The following MEI4 variants were observed in gnomAD, a reference collection of about 807,000 sequenced individuals.
The protein encoded by MEI4 is meiotic double-stranded break formation protein 4.
Under a neutral mutation model 31.4 loss-of-function variants are expected in MEI4, and 27 were observed. The observed-to-expected ratio is 0.86, with a 90% CI of 0.63 to 1.19. The LOEUF is 1.19. Ranked by LOEUF, MEI4 falls within the 50% of genes most tolerant of loss-of-function variation. The pLI, the probability that MEI4 is intolerant of heterozygous loss-of-function variation, is 0.00. For missense variants in MEI4, 329 were observed against 398.9 expected, an observed-to-expected ratio of 0.82 and a Z score of 1.49; for synonymous variants, 122 against 145.4, an observed-to-expected ratio of 0.84 and a Z score of 1.16.
intron 4 of MEI4, among the ~76,000 whole-genome samples, chr6:77,911,482 C>A (rs1024655721): frequency 6.6e-6 from 1 of 151,716 alleles, no homozygotes; most frequent in Non-Finnish European, 1.5e-5. Context: ...CTATAGTAGT[C>A]CCTGGTGTCT....
intron 3 of MEI4, among the ~76,000 whole-genome samples, chr6:77,779,033 C>T (rs1422235500): frequency 6.6e-6 from 1 of 152,024 alleles, no homozygotes; most frequent in Non-Finnish European, 1.5e-5. Context: ...AAAGTACTGG[C>T]CTGGAAGTAA....
At chr6:77,824,225 G>A (rs1354380260) in intron 3 of MEI4, among the ~76,000 whole-genome samples, 1 of 152,114 alleles carries the variant, frequency 6.6e-6, no homozygotes, top group African/African-American at 2.4e-5. Context: ...AAGTAGCTGG[G>A]ATTACAGGCG....
intron 2 of MEI4, among the ~76,000 whole-genome samples, chr6:77,695,460 C>A (rs573602652): frequency 2.6e-4 from 39 of 152,248 alleles, no homozygotes; most frequent in African/African-American, 9.1e-4. Flanking sequence ...AGGAAGGGAT[C>A]CAGTTTCAGC....
chr6:77,790,200 C>T (rs1255047140), intron 3 of MEI4, among the ~76,000 whole-genome samples: 1 of 142,294 alleles, frequency 7.0e-6, no homozygotes. Flanking sequence ...GGGAATTAAA[C>T]ACGAGAACAC....
At chr6:77,789,811 T>G (rs1222642104) in intron 3 of MEI4, among the ~76,000 whole-genome samples, 1 of 152,206 alleles carries the variant, frequency 6.6e-6, no homozygotes, top group African/African-American at 2.4e-5. Context: ...TTGGTGGGAC[T>G]GTAAACTATT....
chr6:77,805,840 A>G (rs1769417653), intron 3 of MEI4, among the ~76,000 whole-genome samples: 1 of 152,050 alleles, frequency 6.6e-6, no homozygotes, highest in Non-Finnish European at 1.5e-5. Flanking sequence ...TAGCACAAGG[A>G]CTTACATGAA....
chr6:77,674,229 T>A (rs1031196634), intron 1 of MEI4, among the ~76,000 whole-genome samples: 6 of 152,196 alleles, frequency 3.9e-5, no homozygotes, highest in Admixed American at 2.6e-4. Context: ...GCCCTTGTTT[T>A]TAAGTCACAT....
chr6:77,735,364 C>G lies in MEI4; in HGVS notation c.233-25766C>G, dbSNP rs1247779092. On this transcript the variant is annotated intron_variant, in intron 2 of 4. Coordinates refer to ENST00000684080, the MANE Select transcript of MEI4 (RefSeq NM_001322247.2). ...ATTCTTTTTTCTCTAAACTTCCCTTCTTGCTTCATTTCATTCATTTCATCT... is the reference window on the plus strand; with the variant it reads ...ATTCTTTTTTCTCTAAACTTCCCTTGTTGCTTCATTTCATTCATTTCATCT... 3.3e-5 allele frequency among the ~76,000 whole-genome samples: 5 copies of G among 151,870 alleles called. No individual in the cohort carries two copies. The South Asian group carries it at 8.3e-4, about 25-fold the overall frequency.
rs1766792625 is a variant in MEI4 at position 77,924,319 on chromosome 6, TG to T, written c.*974del. On this transcript the variant is annotated 3_prime_UTR_variant, in exon 5 of 5. Transcript: ENST00000684080. ...ATGTCGTTGGCATTAAAAGTAATCT[TG>T]ATAATTCCATCTACAATGTATATAC... 1 of 151,906 alleles carries T rather than the reference TG, an allele frequency of 6.6e-6. No individual in the cohort carries two copies. Among genetic ancestry groups the T allele is most frequent in the South Asian group, 2.1e-4 (1 of 4,830 alleles). The allele number at this position is 151,906 out of a possible 1,614,324, so 9.4% of individuals were successfully genotyped here.
chr6:77,904,431 T>C (rs1210447775), intron 4 of MEI4, among the ~76,000 whole-genome samples: 1 of 152,118 alleles, frequency 6.6e-6, no homozygotes, highest in Non-Finnish European at 1.5e-5. Context: ...TAGTACTCAA[T>C]AGGTAGTTTT....
chr6:77,717,910 C>G (rs2127662377), intron 2 of MEI4, among the ~76,000 whole-genome samples: 1 of 79,148 alleles, frequency 1.3e-5, no homozygotes, highest in Admixed American at 1.4e-4. Context: ...CCACATTTCC[C>G]CCTTTTCTTT....
In MEI4 at chr6:77,890,083, C is replaced by T. The variant is rs139430993; in HGVS notation, c.901-33006C>T. Among the ~76,000 whole-genome samples, 628 of 152,312 alleles carry T rather than the reference C, an allele frequency of 4.1e-3. 5 individuals carry two copies. The highest frequency in any genetic ancestry group is 0.014 in the African/African-American group (577 of 41,568). ...AATGTGGAAGGGAAATGTGGGGTTG[C>T]AGTCCCCATATACAGTCTCCACTGG... On this transcript the variant is annotated intron_variant, in intron 4 of 4. Transcript: ENST00000684080.
chr6:77,693,843 A>G (rs1769205738), intron 2 of MEI4, among the ~76,000 whole-genome samples: 2 of 152,112 alleles, frequency 1.3e-5, no homozygotes, highest in Admixed American at 1.3e-4. Flanking sequence ...GTGTATTTAT[A>G]TTATTACATA....
intron 2 of MEI4, among the ~76,000 whole-genome samples, chr6:77,729,631 T>C (rs1282828572): frequency 6.6e-6 from 1 of 152,178 alleles, no homozygotes; most frequent in Admixed American, 6.5e-5. Context: ...AGCAAAGCAG[T>C]ACTTTACAGA....
chr6:77,828,660 G>T (rs1770012212), intron 3 of MEI4, among the ~76,000 whole-genome samples: 1 of 151,960 alleles, frequency 6.6e-6, no homozygotes, highest in Admixed American at 6.6e-5. Flanking sequence ...TCTGTATATA[G>T]CCTATTATCT....
In MEI4 at chr6:77,915,401, G is replaced by C. The variant is rs1477160766; in HGVS notation, c.901-7688G>C. On this transcript the variant is annotated intron_variant, in intron 4 of 4. Coordinates refer to ENST00000684080, the MANE Select transcript of MEI4 (RefSeq NM_001322247.2). Reference sequence around the variant, plus strand: ...TCTTTATGAAGACTTCCTTTATTGGGTATGTTATTCTTGACTGGCAGGTTT... The same window carrying C: ...TCTTTATGAAGACTTCCTTTATTGGCTATGTTATTCTTGACTGGCAGGTTT... 2.0e-5 allele frequency among the ~76,000 whole-genome samples: 3 copies of C among 151,950 alleles called. No individual in the cohort carries two copies. The East Asian group carries it at 5.8e-4, about 29-fold the overall frequency.
intron 2 of MEI4, among the ~76,000 whole-genome samples, chr6:77,693,774 A>G (rs1287566328): frequency 1.3e-5 from 2 of 152,122 alleles, no homozygotes; most frequent in African/African-American, 2.4e-5. Context: ...GATGACATGA[A>G]ATAGTGATAA....
At chr6:77,740,998 C>A (rs1026173093) in intron 2 of MEI4, among the ~76,000 whole-genome samples, 1 of 151,836 alleles carries the variant, frequency 6.6e-6, no homozygotes, top group African/African-American at 2.4e-5. Flanking sequence ...ATGTAAGGTA[C>A]AAGATAGCAT....
At chr6:77,726,669 C>G (rs140341354) in intron 2 of MEI4, among the ~76,000 whole-genome samples, 1 of 152,072 alleles carries the variant, frequency 6.6e-6, no homozygotes, top group African/African-American at 2.4e-5. Context: ...AAAATCTACA[C>G]CAGTTGTGTG....
Sources: allele counts gnomAD v4.1 joint callset (sites outside exome capture counted in the v4.1 genomes callset), GRCh38; gene constraint gnomAD v4.1.1; transcripts MANE v1.5; gene names NCBI Gene and HGNC (gene_info 2026-07-23, HGNC 2026-07-21).